Variants in CADM2 observed in about 807,000 individuals in gnomAD.
CADM2 encodes immunoglobulin superfamily member 4D.
A neutral mutation model predicts 49.8 loss-of-function variants in CADM2; 12 were observed. The ratio of observed to expected loss-of-function variants is 0.24; its 90% confidence interval spans 0.15 to 0.39. CADM2 has a LOEUF of 0.39. Among genes scored for constraint, CADM2 ranks in the 10% least tolerant of loss-of-function variants. The pLI is 1.00. For missense variants in CADM2, 378 were observed against 492.3 expected, an observed-to-expected ratio of 0.77 and a Z score of 2.20; for synonymous variants, 214 against 175.4, an observed-to-expected ratio of 1.22 and a Z score of -1.74.
At chr3:85,670,604 A>C (rs989751528) in intron 1 of CADM2, among the ~76,000 whole-genome samples, 2 of 152,178 alleles carry the variant, frequency 1.3e-5, no homozygotes, top group African/African-American at 4.8e-5. Context: ...TTGCAGGAAA[A>C]AAGCACCAAG....
chr3:84,988,391 C>A (rs1405705918), intron 1 of CADM2, among the ~76,000 whole-genome samples: 1 of 152,202 alleles, frequency 6.6e-6, no homozygotes, highest in African/African-American at 2.4e-5. Flanking sequence ...TAACTTTCTA[C>A]TTAGGAAATG....
intron 3 of CADM2, among the ~76,000 whole-genome samples, chr3:85,851,390 C>T (rs1017966158): frequency 6.6e-6 from 1 of 151,986 alleles, no homozygotes; most frequent in Admixed American, 6.6e-5. Context: ...AATCACTTTA[C>T]AAACAAGGGT....
intron 1 of CADM2, among the ~76,000 whole-genome samples, chr3:85,558,906 C>T (rs1201397679): frequency 6.6e-6 from 1 of 151,894 alleles, no homozygotes; most frequent in Non-Finnish European, 1.5e-5. Context: ...GTGTATAAAC[C>T]ATTGCCAAAA....
At chr3:85,983,502 G>C (rs1263248337) in intron 8 of CADM2, among the ~76,000 whole-genome samples, 2 of 151,594 alleles carry the variant, frequency 1.3e-5, no homozygotes, top group Non-Finnish European at 3.0e-5. Context: ...TTTGACTTGA[G>C]AGTTATATAA....
At position 85,410,512 on chromosome 3, in the gene CADM2, C is replaced by T. The variant is rs142669914; in HGVS notation, c.62-316010C>T. Among the ~76,000 whole-genome samples the T allele has an allele frequency of 5.6e-3, 849 of 152,148 alleles. 8 individuals are homozygous for T. The highest frequency in any genetic ancestry group is 0.019 in the African/African-American group (805 of 41,496). On this transcript the variant is annotated intron_variant, in intron 1 of 9. Coordinates refer to ENST00000383699, the MANE Select transcript of CADM2 (RefSeq NM_001167675.2). ...GTATAGGCACTAAGATCTATCTCTT[C>T]TATAATTTGATATTTTCTACTGTAA...
intron 1 of CADM2, among the ~76,000 whole-genome samples, chr3:85,504,798 C>A (rs1389312987): frequency 6.6e-6 from 1 of 152,214 alleles, no homozygotes; most frequent in Non-Finnish European, 1.5e-5. Flanking sequence ...GCATGGCGGT[C>A]TGCAGGTCCC....
At chr3:85,040,371 T>A (rs2035387977) in intron 1 of CADM2, among the ~76,000 whole-genome samples, 1 of 152,238 alleles carries the variant, frequency 6.6e-6, no homozygotes, top group African/African-American at 2.4e-5. Flanking sequence ...GTTTATTTGT[T>A]TGTTTTAATC....
At chr3:85,652,341 C>T (rs974007101) in intron 1 of CADM2, among the ~76,000 whole-genome samples, 1 of 152,122 alleles carries the variant, frequency 6.6e-6, no homozygotes, top group Non-Finnish European at 1.5e-5. Flanking sequence ...TACCCCAAAA[C>T]TCAATGACTT....
At chr3:85,452,727 C>T (rs942408287) in intron 1 of CADM2, among the ~76,000 whole-genome samples, 1 of 152,084 alleles carries the variant, frequency 6.6e-6, no homozygotes, top group Non-Finnish European at 1.5e-5. Flanking sequence ...AGGGCAGTTC[C>T]GATTTTGGAA....
At chr3:85,283,383 C>T (rs979105818) in intron 1 of CADM2, among the ~76,000 whole-genome samples, 1 of 151,552 alleles carries the variant, frequency 6.6e-6, no homozygotes, top group African/African-American at 2.4e-5. Context: ...ATTCTATAAA[C>T]ATATTTCAGT....
At chr3:85,861,109 A>C (rs1421396121) in intron 3 of CADM2, among the ~76,000 whole-genome samples, 1 of 152,162 alleles carries the variant, frequency 6.6e-6, no homozygotes. Context: ...GTGTCTGAGC[A>C]TAAGCTAGTT....
At chr3:85,345,838 T>C (rs570281307) in intron 1 of CADM2, among the ~76,000 whole-genome samples, 42 of 152,112 alleles carry the variant, frequency 2.8e-4, no homozygotes, top group African/African-American at 9.9e-4. Flanking sequence ...TACAAGATCA[T>C]TTTTTTGTGT....
chr3:85,185,562 C>G (rs1252066804), intron 1 of CADM2, among the ~76,000 whole-genome samples: 1 of 152,026 alleles, frequency 6.6e-6, no homozygotes, highest in Non-Finnish European at 1.5e-5. Context: ...AGAATAATGA[C>G]TTACCTTTAG....
chr3:85,364,876 A>T (rs2032635772), intron 1 of CADM2, among the ~76,000 whole-genome samples: 1 of 35,554 alleles, frequency 2.8e-5, no homozygotes, highest in Admixed American at 4.6e-4. Flanking sequence ...CTACAACAAC[A>T]ACAACAACAA....
chr3:85,621,202 A>T (rs2063966410), intron 1 of CADM2, among the ~76,000 whole-genome samples: 1 of 151,966 alleles, frequency 6.6e-6, no homozygotes. Flanking sequence ...TTTCCAGATG[A>T]TCAGAAACTA....
intron 1 of CADM2, among the ~76,000 whole-genome samples, chr3:85,510,832 T>C (rs547318885): frequency 5.9e-5 from 9 of 152,014 alleles, no homozygotes; most frequent in Non-Finnish European, 1.3e-4. Context: ...AGGTATTGTA[T>C]TAAAAGGATA....
At position 85,413,871 on chromosome 3, in the gene CADM2, AT is replaced by A. The variant is rs111756747; in HGVS notation, c.62-312640del. Among the ~76,000 whole-genome samples the A allele has an allele frequency of 5.3e-3, 795 of 148,840 alleles. 5 individuals are homozygous for A. The highest frequency in any genetic ancestry group is 0.011 in the Middle Eastern group (3 of 282). On this transcript the variant is annotated intron_variant, in intron 1 of 9. Transcript: ENST00000383699. ...GCTAGAAAACTGGCTAGCTATTTTA[AT>A]TTTTTTTTTTGAGACAGAGTCTCGC...
chr3:86,041,754 C>A lies in CADM2; in HGVS notation c.971-23851C>A, dbSNP rs1417000576. ...ACATAATAGACATCTACAGAACTTT[C>A]CCCCCAAATCAACAAAATATACTTT... On this transcript the variant is annotated intron_variant, in intron 8 of 9. Transcript: ENST00000383699. 2.6e-5 allele frequency among the ~76,000 whole-genome samples: 4 copies of A among 152,214 alleles called. No individual in the cohort carries two copies. The South Asian group carries it at 6.2e-4, about 24-fold the overall frequency.
chr3:85,570,783 C>G (rs966825363), intron 1 of CADM2, among the ~76,000 whole-genome samples: 10 of 152,008 alleles, frequency 6.6e-5, no homozygotes, highest in African/African-American at 2.4e-4. Context: ...ATCAATAAAA[C>G]TTGTTTTGGG....
Sources: gnomAD v4.1 joint callset for allele counts (sites outside exome capture counted in the v4.1 genomes callset) on GRCh38, gnomAD v4.1.1 for gene constraint, MANE v1.5 for transcripts, NCBI Gene and HGNC (gene_info 2026-07-23, HGNC 2026-07-21) for gene names.